BRI3: variants seen among roughly 807,000 people sequenced by gnomAD.
BRI3 encodes brain protein I3.
BRI3 carries 6 observed loss-of-function variants against 12.8 expected under a neutral mutation model. The observed-to-expected ratio is 0.47, with a 90% confidence interval of 0.26 to 0.93. BRI3 has a LOEUF of 0.93. Among genes scored for constraint, BRI3 ranks in the 40% least tolerant of loss-of-function variants. The pLI is 0.15. For missense variants in BRI3, 134 were observed against 171.1 expected, an observed-to-expected ratio of 0.78 and a Z score of 1.21; for synonymous variants, 91 against 76.1, an observed-to-expected ratio of 1.20 and a Z score of -1.02.
chr7:98,282,773 G>A, intron 2 of BRI3: 1 of 302,682 alleles, frequency 3.3e-6, no homozygotes, highest in Non-Finnish European at 6.2e-6. Flanking sequence ...TTTGTTCTGG[G>A]ACTTGCAAGG....
the BRI3 span, chr7:98,317,139 C>T: frequency 6.3e-7 from 1 of 1,579,836 alleles, no homozygotes; most frequent in East Asian, 2.3e-5. Context: ...AGGCGTGAGC[C>T]ACCGCACCCG....
At chr7:98,308,374 C>A (rs1800744197) in exon 2 of BRI3, 1 of 436,588 alleles carries the variant, frequency 2.3e-6, no homozygotes, top group East Asian at 7.0e-5. Flanking sequence ...CAGCTTCTCA[C>A]CCCCAGGCCT....
chr7:98,282,075 C>T lies in BRI3; in HGVS notation c.142+138C>T, dbSNP rs140174552. On this transcript the variant is annotated intron_variant, in intron 1 of 2. Transcript: ENST00000297290. ...AGGTCCCCGGGCTGGCTTCGGGACC[C>T]GGCGCCGCCGAGGGCCAGCCTCCCC... 4,748 of 1,224,352 alleles carry T rather than the reference C, an allele frequency of 3.9e-3. 156 individuals are homozygous for T. In the African/African-American group the frequency reaches 0.068, roughly 17 times the overall value. The allele number at this position is 1,224,352 out of a possible 1,614,324, so 75.8% of individuals were successfully genotyped here. A position where few individuals can be genotyped will look rare whatever the true frequency, so the allele number is the denominator to read the frequency against.
downstream of BRI3, chr7:98,291,958 G>GC (rs1309777352): frequency 6.5e-6 from 1 of 153,072 alleles, no homozygotes; most frequent in Non-Finnish European, 1.5e-5. Context: ...CGGCCATGGG[G>GC]CTTGTGTGGA....
chr7:98,316,104 A>G, the BRI3 span, among the ~76,000 whole-genome samples: 2 of 152,120 alleles, frequency 1.3e-5, no homozygotes, highest in Non-Finnish European at 2.9e-5. Flanking sequence ...CATTCTTGTG[A>G]TAGTGAATAA....
At chr7:98,292,365 C>T (rs1022319890), downstream of BRI3, 4 of 431,526 alleles carry the variant, frequency 9.3e-6, no homozygotes, top group African/African-American at 4.1e-5. Flanking sequence ...CCCACCACCA[C>T]ACCTGTCTAA....
chr7:98,313,284 G>A (rs1423558234), downstream of BRI3, among the ~76,000 whole-genome samples: 7 of 152,044 alleles, frequency 4.6e-5, no homozygotes, highest in Non-Finnish European at 7.4e-5. Context: ...TCAGATACTC[G>A]AAGAAACTTC....
chr7:98,285,340 A>G (rs1202956923), intron 2 of BRI3, among the ~76,000 whole-genome samples: 2 of 152,130 alleles, frequency 1.3e-5, no homozygotes, highest in African/African-American at 4.8e-5. Context: ...AGCCTGTGAC[A>G]GCCTTGGGCT....
chr7:98,321,336 A>G, the BRI3 span, among the ~76,000 whole-genome samples: 7 of 152,312 alleles, frequency 4.6e-5, no homozygotes, highest in African/African-American at 1.7e-4. Context: ...CAGGCACGAG[A>G]GATAAAGGCT....
the BRI3 span, chr7:98,315,719 T>A: frequency 4.2e-6 from 2 of 476,154 alleles, no homozygotes; most frequent in Non-Finnish European, 6.4e-6. Flanking sequence ...CCTGCTTTAT[T>A]TGAATAATAG....
intron 2 of BRI3, 37 bp downstream of exon 2, chr7:98,282,490 G>A (rs780416860): frequency 1.9e-6 from 3 of 1,562,438 alleles, no homozygotes; most frequent in South Asian, 2.2e-5. Flanking sequence ...GGCCCTGGAA[G>A]CTCTGAGGAC....
chr7:98,320,010 G>T, the BRI3 span: 1 of 1,492,962 alleles, frequency 6.7e-7, no homozygotes, highest in Non-Finnish European at 9.2e-7. Flanking sequence ...CCCAGGCTGG[G>T]AGGTCAGGCA....
chr7:98,306,395 A>G (rs1456191467), upstream of BRI3: 11 of 1,603,652 alleles, frequency 6.9e-6, no homozygotes, highest in Non-Finnish European at 9.4e-6. Flanking sequence ...ACGACAAGGC[A>G]GGGGTTTCTG....
chr7:98,295,779 G>A (rs1184239624), downstream of BRI3, among the ~76,000 whole-genome samples: 1 of 152,126 alleles, frequency 6.6e-6, no homozygotes, highest in Non-Finnish European at 1.5e-5. Flanking sequence ...ACACCCCGGA[G>A]CTTGTTCAGA....
At chr7:98,304,162 A>C, upstream of BRI3, 1 of 1,528,376 alleles carries the variant, frequency 6.5e-7, no homozygotes, top group Non-Finnish European at 8.8e-7. Context: ...TGGCGAGTCC[A>C]GGACCCAGGA....
chr7:98,320,200 T>C, the BRI3 span: 1 of 1,588,668 alleles, frequency 6.3e-7, no homozygotes, highest in Non-Finnish European at 8.6e-7. Context: ...AAACCTGAAA[T>C]GAGTGTATTT....
At chr7:98,307,562 A>G (rs1367584064) in exon 2 of BRI3, 1 of 1,480,622 alleles carries the variant, frequency 6.8e-7, no homozygotes, top group East Asian at 2.5e-5. Context: ...TAACTAAACT[A>G]GAACTAAACC....
the BRI3 span, among the ~76,000 whole-genome samples, chr7:98,319,153 C>T: frequency 6.6e-6 from 1 of 152,046 alleles, no homozygotes; most frequent in Non-Finnish European, 1.5e-5. Context: ...ACACTCACTG[C>T]CACATGGGGG....
At chr7:98,301,860 T>G (rs987156512), upstream of BRI3, among the ~76,000 whole-genome samples, 1 of 152,014 alleles carries the variant, frequency 6.6e-6, no homozygotes, top group African/African-American at 2.4e-5. Flanking sequence ...GGAAGGGTGG[T>G]GGTGGTGTCC....
Sources: allele counts gnomAD v4.1 joint callset (sites outside exome capture counted in the v4.1 genomes callset), GRCh38; gene constraint gnomAD v4.1.1; transcripts MANE v1.5; gene names NCBI Gene and HGNC (gene_info 2026-07-23, HGNC 2026-07-21).